The following ELF4 variants were observed in gnomAD, a reference collection of about 807,000 sequenced individuals.
ELF4 encodes the protein E74 like ETS transcription factor 4, also known as ETS-related transcription factor Elf-4.
Under a neutral mutation model 31.7 loss-of-function variants are expected in ELF4, and 10 were observed. The observed-to-expected ratio is 0.32, with a 90% CI of 0.19 to 0.54. The LOEUF is 0.54. Ranked by LOEUF, ELF4 falls within the 20% of genes least tolerant of loss-of-function variation. The probability of loss-of-function intolerance (pLI) is 0.95; values close to 1 mark genes in which losing one functional copy is unlikely to be tolerated. For missense variants in ELF4, 418 were observed against 522.0 expected (o/e 0.80, Z 1.94); for synonymous variants, 208 against 226.7 (o/e 0.92, Z 0.74).
chrX:130,102,986 G>C (rs1036809230), intron 1 of ELF4, among the ~76,000 whole-genome samples: 5 of 104,706 alleles, frequency 4.8e-5, no homozygotes, highest in Non-Finnish European at 9.8e-5. Flanking sequence ...AAGGAAGGAA[G>C]GAAAAGAATT....
chrX:130,100,504 C>T (rs1335802742), intron 1 of ELF4, among the ~76,000 whole-genome samples: 1 of 111,752 alleles, frequency 8.9e-6, no homozygotes, highest in African/African-American at 3.3e-5. Flanking sequence ...CCTGAGGGAA[C>T]ATTCCAGGCT....
chrX:130,100,836 T>C (rs1569409978), intron 1 of ELF4, among the ~76,000 whole-genome samples: 3 of 112,327 alleles, frequency 2.7e-5, no homozygotes, highest in Non-Finnish European at 5.6e-5. Flanking sequence ...TGGGCATTCA[T>C]GAATGAAGTT....
chrX:130,067,032 C>A lies in ELF4; in HGVS notation c.1681G>T (p.Val561Phe), dbSNP rs747561830. The stretch of plus-strand genomic sequence containing the variant: ...AGCTCCCTCAGGGTCTCTTCAGGAA[C>A]CAGCAGCCCCTCCATGGGGGCCCCC... ...VTGAPMEGLL[V>F]PEETLRELLR... Residue 561 changes from valine (V) to phenylalanine (F), a missense_variant, in exon 9 of 9, where the codon GTT becomes TTT. Val to Phe is a conservative substitution (Grantham distance 50). Coordinates refer to ENST00000308167, the MANE Select transcript of ELF4 (RefSeq NM_001421.4). The A allele has an allele frequency of 3.3e-6, 4 of 1,212,201 alleles. No homozygotes were observed. Among genetic ancestry groups the A allele is most frequent in the South Asian group, 3.5e-5 (2 of 57,048 alleles).
chrX:130,067,617 G>T, intron 8 of ELF4, 92 bp from the exon 9 acceptor site: 1 of 937,336 alleles, frequency 1.1e-6, no homozygotes, highest in Non-Finnish European at 1.5e-6. Context: ...AGCTGAAGGT[G>T]TTTGTCGATT....
intron 1 of ELF4, among the ~76,000 whole-genome samples, chrX:130,105,825 C>T (rs1933367582): frequency 9.3e-6 from 1 of 107,404 alleles, no homozygotes; most frequent in Admixed American, 1.0e-4. Context: ...CCTACGTCTC[C>T]CCTGCCATCT....
At chrX:130,072,162 AC>A in intron 5 of ELF4, 63 bp downstream of exon 5, 1 of 1,170,270 alleles carries the variant, frequency 8.5e-7, no homozygotes, top group Admixed American at 2.2e-5. Context: ...ATGAGCCCTG[AC>A]CGCCCCCCCA....
Position 130,069,441 on chromosome X carries a change from T to C in ELF4, c.1046A>G (p.Glu349Gly), listed in dbSNP as rs765871521. 1.9e-5 allele frequency: 23 copies of C among 1,212,043 alleles called. No individual in the cohort carries two copies. Among genetic ancestry groups the C allele is most frequent in the Non-Finnish European group, 2.1e-5 (19 of 895,570 alleles). ...APQGKGSSSW[E>G]KPKIQHVGLQ... ...ACCGACATGCTGAATTTTTGGCTTCTCCCAAGAAGAGCTGCCCTTGCCCTG... is the reference window on the plus strand; with the variant it reads ...ACCGACATGCTGAATTTTTGGCTTCCCCCAAGAAGAGCTGCCCTTGCCCTG... The change falls in exon 8 of 9, where the codon GAG (glutamate) becomes GGG (glycine). Residue 349 changes from glutamate (E) to glycine (G), a missense_variant. Glu to Gly is a moderately conservative substitution (Grantham distance 98). Coordinates refer to ENST00000308167, the MANE Select transcript of ELF4 (RefSeq NM_001421.4).
intron 1 of ELF4, among the ~76,000 whole-genome samples, chrX:130,099,883 C>T (rs1030280997): frequency 4.5e-5 from 5 of 111,554 alleles, no homozygotes; most frequent in Non-Finnish European, 9.4e-5. Flanking sequence ...GTGATCCACC[C>T]GCCTTGGCCT....
chrX:130,089,509 C>CAAAAAAAAAAAAAAAAA (rs777456574), intron 1 of ELF4, among the ~76,000 whole-genome samples: 1 of 19,459 alleles, frequency 5.1e-5, no homozygotes, highest in African/African-American at 2.9e-4. Flanking sequence ...GACCTCAGCT[C>CAAAAAAAAAAAAAAAAA]AAAAAAAAAA....
chrX:130,103,109 T>A (rs1933314693), intron 1 of ELF4, among the ~76,000 whole-genome samples: 1 of 111,783 alleles, frequency 8.9e-6, no homozygotes, highest in East Asian at 2.8e-4. Context: ...AAAATATTTG[T>A]GAACTAAGGC....
rs1173304144 is a variant in ELF4, at chrX:130,081,559, G to A, written c.-209-20C>T. 3 of 443,008 alleles carry A rather than the reference G, an allele frequency of 6.8e-6. No individual in the cohort carries two copies. Among genetic ancestry groups the A allele is most frequent in the Non-Finnish European group, 1.2e-5 (3 of 250,834 alleles). 36.5% of individuals were successfully genotyped at this position (443,008 alleles called of 1,213,427 possible). A position where few individuals can be genotyped will look rare whatever the true frequency, so the allele number is the denominator to read the frequency against. On this transcript the variant is annotated intron_variant, in intron 1 of 8. Transcript: ENST00000308167. ...AGCGACCTAGAGAGAAGGGAGAGAT[G>A]GGGACAGTGAGTAAGTCACCTTCCT...
At position 130,067,451 on chromosome X, in the gene ELF4, G is replaced by A. The variant is rs1932712126; in HGVS notation, c.1262C>T (p.Thr421Met). 9 of 1,210,362 alleles carry A rather than the reference G, an allele frequency of 7.4e-6. No homozygotes were observed. Among genetic ancestry groups the A allele is most frequent in the East Asian group, 5.9e-5 (2 of 33,774 alleles). The change falls in exon 9 of 9, where the codon ACG becomes ATG. Residue 421 changes from threonine to methionine, a missense_variant. Transcript: ENST00000308167. ...VGSGSALTLQTIPLTTVLTNG... is the reference protein window; with the variant it reads ...VGSGSALTLQMIPLTTVLTNG... Reference sequence around the variant, plus strand: ...GGTCAGCACCGTGGTCAGTGGGATCGTCTGCAGGGTCAGGGCCGAGCCCGA... The same window carrying A: ...GGTCAGCACCGTGGTCAGTGGGATCATCTGCAGGGTCAGGGCCGAGCCCGA...
chrX:130,110,406 G>T lies in ELF4; in HGVS notation c.-291C>A, dbSNP rs1357889090. The T allele has an allele frequency of 9.0e-6, 1 of 111,255 alleles. No homozygotes were observed. Among genetic ancestry groups the T allele is most frequent in the Non-Finnish European group, 1.9e-5 (1 of 52,447 alleles). 9.2% of individuals were successfully genotyped at this position (111,255 alleles called of 1,213,427 possible). A position where few individuals can be genotyped will look rare whatever the true frequency, so the allele number is the denominator to read the frequency against. ...TGGTCCCCGCTCCGGGGGCCGAGAC[G>T]CGGGTCCCCAGCCCCGCCAGCCCGT... On this transcript the variant is annotated 5_prime_UTR_variant, in exon 1 of 9. Transcript: ENST00000308167.
rs191101227 is a variant in ELF4, at chrX:130,066,086, C to G, written c.*635G>C. The G allele has an allele frequency of 1.9e-4, 33 of 174,159 alleles. No homozygotes were observed. Among genetic ancestry groups the G allele is most frequent in the Non-Finnish European group, 3.2e-4 (29 of 91,376 alleles). 14.4% of individuals were successfully genotyped at this position (174,159 alleles called of 1,213,427 possible). A position where few individuals can be genotyped will look rare whatever the true frequency, so the allele number is the denominator to read the frequency against. On this transcript the variant is annotated 3_prime_UTR_variant, in exon 9 of 9. Coordinates refer to ENST00000308167, the MANE Select transcript of ELF4 (RefSeq NM_001421.4). ...AAAGCGTTCCTACTCTGCACTCGTT[C>G]CAGCTCTACAACATCTCCAGATTCG...
At chrX:130,074,850 G>C in intron 2 of ELF4, 98 bp from the exon 3 acceptor site, 1 of 971,968 alleles carries the variant, frequency 1.0e-6, no homozygotes, top group Non-Finnish European at 1.4e-6. Context: ...CTTATTCTTG[G>C]GTTCATCAGG....
intron 7 of ELF4, 23 bp from the exon 8 acceptor site, chrX:130,069,700 T>C (rs1421312230): frequency 8.3e-7 from 1 of 1,207,778 alleles, no homozygotes; most frequent in African/African-American, 1.7e-5. Flanking sequence ...GGGCAGGGAG[T>C]TGGGAGTTAG....
In ELF4 at chrX:130,069,581, A is replaced by G; in HGVS notation, c.906T>C (p.Asp302=). 1.7e-6 allele frequency: 2 copies of G among 1,210,839 alleles called. No individual in the cohort carries two copies. The highest frequency in any genetic ancestry group is 2.2e-6 in the Non-Finnish European group (2 of 894,506). Reference sequence around the variant, plus strand: ...CTGTGGCTTCGCTGCTCTCATCCTCATCTTCAATGACCACCAGGTCCTTGG... The same window carrying G: ...CTGTGGCTTCGCTGCTCTCATCCTCGTCTTCAATGACCACCAGGTCCTTGG... ...EMPKDLVVIE[D]EDESSEATAA... Residue 302 remains aspartate, a synonymous_variant, in exon 8 of 9, where the codon GAT becomes GAC. Transcript: ENST00000308167.
chrX:130,111,540 A>C (rs938814824), upstream of ELF4, among the ~76,000 whole-genome samples: 4 of 112,020 alleles, frequency 3.6e-5, no homozygotes, highest in Non-Finnish European at 7.5e-5. Flanking sequence ...TGGGCGTAAC[A>C]CCTGGGGTGA....
intron 1 of ELF4, among the ~76,000 whole-genome samples, chrX:130,096,257 A>T (rs1478436364): frequency 9.0e-6 from 1 of 111,116 alleles, no homozygotes; most frequent in Non-Finnish European, 1.9e-5. Flanking sequence ...ATCTCAGCTC[A>T]CAGTAACCTC....
Sources: gnomAD v4.1 joint callset for allele counts (sites outside exome capture counted in the v4.1 genomes callset) on GRCh38, gnomAD v4.1.1 for gene constraint, MANE v1.5 for transcripts, NCBI Gene and HGNC (gene_info 2026-07-23, HGNC 2026-07-21) for gene names.